NEK6: variants seen among roughly 807,000 people sequenced by gnomAD.
NEK6 encodes the protein serine/threonine-protein kinase Nek6.
Under a neutral mutation model 43.5 loss-of-function variants are expected in NEK6, and 27 were observed. The ratio of observed to expected loss-of-function variants is 0.62; its 90% confidence interval spans 0.46 to 0.86. The LOEUF is 0.86. NEK6 is among the 40% of genes least tolerant of loss of function. The pLI is 0.00. For missense variants in NEK6, 318 were observed against 414.4 expected (o/e 0.77, Z 2.02); for synonymous variants, 167 against 164.1 (o/e 1.02, Z -0.14).
In NEK6 at chr9:124,353,103, A is replaced by C. The variant is rs1332826584; in HGVS notation, c.*2156A>C. On this transcript the variant is annotated 3_prime_UTR_variant, in exon 10 of 10. Coordinates refer to ENST00000320246, the MANE Select transcript of NEK6 (RefSeq NM_014397.6). ...ACCTGCTCACCTTCTCTTGGTTCTC[A>C]GAACTGAGCTGGGCTTGAGAACACA... 1 of 155,364 alleles carries C rather than the reference A, an allele frequency of 6.4e-6. No homozygotes were observed. Among genetic ancestry groups the C allele is most frequent in the Non-Finnish European group, 1.4e-5 (1 of 70,376 alleles). The allele number at this position is 155,364 out of a possible 1,614,324, so 9.6% of individuals were successfully genotyped here.
At chr9:124,301,652 G>A (rs1446339293) in intron 1 of NEK6, among the ~76,000 whole-genome samples, 1 of 152,190 alleles carries the variant, frequency 6.6e-6, no homozygotes, top group Admixed American at 6.5e-5. Context: ...TGAATCCGGT[G>A]TCTTCCTTCC....
intron 9 of NEK6, among the ~76,000 whole-genome samples, 153 bp downstream of exon 9, chr9:124,347,975 G>GA (rs1189601835): frequency 2.6e-5 from 4 of 152,200 alleles, no homozygotes; most frequent in African/African-American, 9.6e-5. Context: ...TTGGAGAGGG[G>GA]AAAGTAGGTG....
At chr9:124,283,581 G>C (rs572987537) in intron 1 of NEK6, among the ~76,000 whole-genome samples, 1 of 152,310 alleles carries the variant, frequency 6.6e-6, no homozygotes, top group African/African-American at 2.4e-5. Context: ...TGCCAGCCCT[G>C]GCTCTGCACC....
chr9:124,286,030 A>G (rs1208592300), intron 1 of NEK6, among the ~76,000 whole-genome samples: 1 of 152,192 alleles, frequency 6.6e-6, no homozygotes, highest in Non-Finnish European at 1.5e-5. Context: ...TGGGGCAGCC[A>G]AGGCTGAAAC....
intron 1 of NEK6, among the ~76,000 whole-genome samples, chr9:124,293,538 T>C (rs1261434604): frequency 1.3e-5 from 2 of 152,126 alleles, no homozygotes; most frequent in Non-Finnish European, 2.9e-5. Flanking sequence ...AAGTGAAAGG[T>C]GATTGGGATG....
chr9:124,299,180 G>A (rs754358465), intron 1 of NEK6, among the ~76,000 whole-genome samples: 3 of 152,256 alleles, frequency 2.0e-5, no homozygotes, highest in East Asian at 1.9e-4. Flanking sequence ...CGGGTAAGCC[G>A]ATGTGTGCAT....
intron 7 of NEK6, among the ~76,000 whole-genome samples, chr9:124,332,408 G>A (rs1365540973): frequency 6.6e-6 from 1 of 152,232 alleles, no homozygotes; most frequent in Admixed American, 6.5e-5. Flanking sequence ...GAGGCTGAGA[G>A]AGAGTTTCTG....
In NEK6 at chr9:124,343,452, A is replaced by C. The variant is rs1829758127; in HGVS notation, c.717+3787A>C. Among the ~76,000 whole-genome samples the C allele has an allele frequency of 6.6e-6, 1 of 152,174 alleles. No homozygotes were observed. Among genetic ancestry groups the C allele is most frequent in the East Asian group, 1.9e-4 (1 of 5,152 alleles). ...ACCTAACCCTAGCAGCCCCGGCCTC[A>C]CACAGCAGCAGGCTGCTGTGGCCAC... On this transcript the variant is annotated intron_variant, in intron 8 of 9. Transcript: ENST00000320246. This position sits in a 1 kb window ranked among gnomAD's most constrained non-coding sequence, Gnocchi z 5.1.
rs1311427103 is a variant in NEK6, at chr9:124,351,648, T to C, written c.*701T>C. 1.3e-5 allele frequency: 2 copies of C among 152,212 alleles called. No homozygotes were observed. The highest frequency in any genetic ancestry group is 3.9e-4 in the East Asian group (2 of 5,186). The allele number at this position is 152,212 out of a possible 1,614,324, so 9.4% of individuals were successfully genotyped here. A position where few individuals can be genotyped will look rare whatever the true frequency, so the allele number is the denominator to read the frequency against. The stretch of plus-strand genomic sequence containing the variant: ...GGAACTTCGTCACCTCCTTGAATGC[T>C]GGCGGTTCATTTCATGATCAGTGTT... On this transcript the variant is annotated 3_prime_UTR_variant, in exon 10 of 10. Transcript: ENST00000320246.
chr9:124,328,229 A>G (rs1356857723), intron 7 of NEK6, among the ~76,000 whole-genome samples: 1 of 151,752 alleles, frequency 6.6e-6, no homozygotes, highest in Non-Finnish European at 1.5e-5. Context: ...ACGATGGGGG[A>G]TTTTTCATTT....
chr9:124,325,321 G>T (rs1483300591), intron 5 of NEK6, among the ~76,000 whole-genome samples: 1 of 152,240 alleles, frequency 6.6e-6, no homozygotes, highest in East Asian at 1.9e-4. Context: ...GGCCCGGCAT[G>T]GTGGCCACAC....
chr9:124,350,715 G>A (rs1479893814), intron 9 of NEK6, 122 bp from the exon 10 acceptor site: 16 of 733,740 alleles, frequency 2.2e-5, no homozygotes, highest in Non-Finnish European at 3.4e-5. Context: ...CAGCTCTAAC[G>A]GGGACAACGG....
chr9:124,335,323 A>G (rs544925008), intron 7 of NEK6, among the ~76,000 whole-genome samples: 17 of 152,248 alleles, frequency 1.1e-4, no homozygotes, highest in African/African-American at 4.1e-4. Context: ...GCTGTCCTAT[A>G]AGAACCCCAC....
intron 7 of NEK6, among the ~76,000 whole-genome samples, chr9:124,336,809 G>A (rs1829319962): frequency 6.6e-6 from 1 of 152,140 alleles, no homozygotes; most frequent in African/African-American, 2.4e-5. Context: ...AGGAGTTCAA[G>A]ACCAGCCTGG....
chr9:124,326,473 CCTGGAGCCCA>C lies in NEK6; in HGVS notation c.514+36_514+45del. 6.6e-7 allele frequency: 1 copy of C among 1,516,496 alleles called. No individual in the cohort carries two copies. Among genetic ancestry groups the C allele is most frequent in the Non-Finnish European group, 9.1e-7 (1 of 1,102,304 alleles). 93.9% of individuals were successfully genotyped at this position (1,516,496 alleles called of 1,614,324 possible). The stretch of plus-strand genomic sequence containing the variant: ...ACCCGCCAGGAGCCGCCCGGAGCCA[CCTGGAGCCCA>C]GGAAGACACTTCCTCATGGCTCCTC... On this transcript the variant is annotated intron_variant, in intron 6 of 9. Transcript: ENST00000320246. The surrounding 1 kb of genome is among the most constrained non-coding windows in gnomAD (Gnocchi z 4.5).
At chr9:124,258,296 C>T (rs1248440623) in intron 1 of NEK6, 1 of 985,068 alleles carries the variant, frequency 1.0e-6, no homozygotes, top group Non-Finnish European at 1.2e-6. Flanking sequence ...GTCCGCGTGT[C>T]CCGGGGTGTG....
At chr9:124,315,773 G>A (rs1054587808) in intron 4 of NEK6, among the ~76,000 whole-genome samples, 3 of 152,230 alleles carry the variant, frequency 2.0e-5, no homozygotes, top group Non-Finnish European at 4.4e-5. Flanking sequence ...GCTGCAGAGG[G>A]GATTTGGTCC....
At chr9:124,308,783 A>G (rs968639409) in intron 2 of NEK6, among the ~76,000 whole-genome samples, 6 of 151,778 alleles carry the variant, frequency 4.0e-5, no homozygotes, top group Admixed American at 6.6e-5. Flanking sequence ...CCCGTCTTGC[A>G]GTTTAGAGCC....
At chr9:124,314,178 C>T (rs1833699068) in intron 4 of NEK6, among the ~76,000 whole-genome samples, 193 bp downstream of exon 4, 1 of 152,278 alleles carries the variant, frequency 6.6e-6, no homozygotes, top group South Asian at 2.1e-4. Context: ...CCCGCCTCAT[C>T]GCTCTGCCCA....
Sources: gnomAD v4.1 joint callset for allele counts (sites outside exome capture counted in the v4.1 genomes callset) on GRCh38, gnomAD v4.1.1 for gene constraint, Gnocchi (gnomAD v3.1) non-coding constraint, MANE v1.5 for transcripts, NCBI Gene and HGNC (gene_info 2026-07-23, HGNC 2026-07-21) for gene names.